The following SERTM1 variants were observed in gnomAD, a reference collection of about 807,000 sequenced individuals.
SERTM1 encodes the protein serine-rich and transmembrane domain-containing protein 1.
SERTM1 carries 1 observed loss-of-function variant against 5.5 expected under a neutral mutation model. The ratio of observed to expected loss-of-function variants is 0.18; its 90% CI spans 0.06 to 0.86. SERTM1 has a LOEUF of 0.86. Among genes scored for constraint, SERTM1 ranks in the 40% least tolerant of loss-of-function variants. The pLI is 0.69. For synonymous variants in SERTM1, 52 were observed against 55.1 expected, an observed-to-expected ratio of 0.94 and a Z score of 0.25; for missense variants, 91 against 122.4, an observed-to-expected ratio of 0.74 and a Z score of 1.21.
In SERTM1 at chr13:36,697,679, T is replaced by A. The variant is rs2056825454; in HGVS notation, c.*2277T>A. The A allele has an allele frequency of 6.0e-6, 1 of 166,986 alleles. No homozygotes were observed. Among genetic ancestry groups the A allele is most frequent in the Admixed American group, 6.6e-5 (1 of 15,266 alleles). The allele number at this position is 166,986 out of a possible 1,614,324, so 10.3% of individuals were successfully genotyped here. ...AATGGTTCTTGCTCTCAATGTTTAG[T>A]AGAGAAATTAAGAGCCACATTCAAA... On this transcript the variant is annotated 3_prime_UTR_variant, in exon 2 of 2. Coordinates refer to ENST00000315190, the MANE Select transcript of SERTM1 (RefSeq NM_203451.3).
intron 1 of SERTM1, among the ~76,000 whole-genome samples, chr13:36,677,016 T>G (rs2056673848): frequency 6.6e-6 from 1 of 152,116 alleles, no homozygotes; most frequent in Admixed American, 6.5e-5. Context: ...ATCTGTGCAT[T>G]CACGGGCCAT....
At chr13:36,678,700 A>G (rs2138084096) in intron 1 of SERTM1, among the ~76,000 whole-genome samples, 1 of 120,642 alleles carries the variant, frequency 8.3e-6, no homozygotes, top group East Asian at 2.1e-4. Context: ...TATATAAAAT[A>G]TAGTCCTTTT....
chr13:36,679,245 C>A (rs946787489), intron 1 of SERTM1, among the ~76,000 whole-genome samples: 1 of 152,184 alleles, frequency 6.6e-6, no homozygotes, highest in Non-Finnish European at 1.5e-5. Flanking sequence ...TGGCATGATG[C>A]CACAGTGCAC....
At chr13:36,694,850 A>C in intron 1 of SERTM1, 56 bp from the exon 2 acceptor site, 1 of 525,814 alleles carries the variant, frequency 1.9e-6, no homozygotes, top group Non-Finnish European at 3.3e-6. Flanking sequence ...AAACCTAAAA[A>C]TGGAATTTAA....
Position 36,695,177 on chromosome 13 carries a change from A to T in SERTM1, c.99A>T (p.Pro33=), listed in dbSNP as rs1276510951. 8.1e-6 allele frequency: 13 copies of T among 1,613,896 alleles called. No homozygotes were observed. Among genetic ancestry groups the T allele is most frequent in the Non-Finnish European group, 1.1e-5 (13 of 1,179,848 alleles). Residue 33 remains proline, a synonymous_variant, in exon 2 of 2, where the codon CCA becomes CCT. Coordinates refer to ENST00000315190, the MANE Select transcript of SERTM1 (RefSeq NM_203451.3). The stretch of plus-strand genomic sequence containing the variant: ...CATCCCTGTCCACGTCAGTGGACCC[A>T]TCCTCAGGCCACCTGTCAAACGTCT... ...FPTSLSTSVD[P]SSGHLSNVYI...
chr13:36,682,334 C>G (rs532899901), intron 1 of SERTM1, among the ~76,000 whole-genome samples: 1 of 152,128 alleles, frequency 6.6e-6, no homozygotes, highest in African/African-American at 2.4e-5. Context: ...TCTAGGACTT[C>G]CCAGTTTGTT....
intron 1 of SERTM1, among the ~76,000 whole-genome samples, chr13:36,693,426 A>C (rs2056792631): frequency 6.6e-6 from 1 of 150,794 alleles, no homozygotes; most frequent in South Asian, 2.1e-4. Flanking sequence ...GTTGGTTAGG[A>C]ACCTATAGCA....
At chr13:36,674,412 C>A (rs532901718) in intron 1 of SERTM1, among the ~76,000 whole-genome samples, 71 of 152,218 alleles carry the variant, frequency 4.7e-4, no homozygotes, top group African/African-American at 1.6e-3. Context: ...CGCAGCCCGG[C>A]TCTCCGAGTC....
At chr13:36,691,031 A>C (rs73173341) in intron 1 of SERTM1, among the ~76,000 whole-genome samples, 17,155 of 152,310 alleles carry the variant, frequency 0.11, 1,248 homozygotes, top group Non-Finnish European at 0.15. Context: ...AATGTATTTG[A>C]ATAAAGGTCA....
At chr13:36,677,598 AAGAATC>A (rs1288618416) in intron 1 of SERTM1, among the ~76,000 whole-genome samples, 5 of 152,210 alleles carry the variant, frequency 3.3e-5, no homozygotes, top group Admixed American at 6.5e-5. Flanking sequence ...AGGTGGCTAT[AAGAATC>A]AGTTTCAAAT....
At position 36,680,965 on chromosome 13, in the gene SERTM1, C is replaced by T. The variant is rs141360772; in HGVS notation, c.-174+6781C>T. 6.4e-3 allele frequency among the ~76,000 whole-genome samples: 976 copies of T among 152,202 alleles called. 11 individuals carry two copies. Among genetic ancestry groups the T allele is most frequent in the African/African-American group, 0.022 (932 of 41,536 alleles). ...TGCTATATATTTGCAGTTAGTTGTA[C>T]GATGAATGAAAAAAGAGAATATTTG... On this transcript the variant is annotated intron_variant, in intron 1 of 1. Coordinates refer to ENST00000315190, the MANE Select transcript of SERTM1 (RefSeq NM_203451.3).
chr13:36,695,771 T>A lies in SERTM1; in HGVS notation c.*369T>A, dbSNP rs184689642. The A allele has an allele frequency of 9.5e-6, 2 of 210,204 alleles. No homozygotes were observed. The highest frequency in any genetic ancestry group is 1.1e-4 in the Admixed American group (2 of 17,838). The allele number at this position is 210,204 out of a possible 1,614,324, so 13.0% of individuals were successfully genotyped here. A position where few individuals can be genotyped will look rare whatever the true frequency, so the allele number is the denominator to read the frequency against. ...TCATTTCTTTTACAAAGCCGTGAAA[T>A]CAACTGAGCCTGCAGAAACTGGCAA... On this transcript the variant is annotated 3_prime_UTR_variant, in exon 2 of 2. Transcript: ENST00000315190.
chr13:36,684,224 G>T (rs2056725537), intron 1 of SERTM1, among the ~76,000 whole-genome samples: 1 of 152,102 alleles, frequency 6.6e-6, no homozygotes, highest in Non-Finnish European at 1.5e-5. Context: ...TTGAACCCAG[G>T]AGGCAGATGT....
At chr13:36,681,504 G>A (rs1186007095) in intron 1 of SERTM1, among the ~76,000 whole-genome samples, 4 of 152,148 alleles carry the variant, frequency 2.6e-5, no homozygotes, top group African/African-American at 9.7e-5. Context: ...TTTCATTTTG[G>A]TTTGGTTTGG....
intron 1 of SERTM1, among the ~76,000 whole-genome samples, chr13:36,692,660 CCTT>C (rs1460933704): frequency 1.3e-5 from 2 of 152,258 alleles, no homozygotes; most frequent in African/African-American, 4.8e-5. Flanking sequence ...TAACTCAAGA[CCTT>C]CTGGAGAAGT....
chr13:36,674,026 G>T lies in SERTM1; in HGVS notation c.-332G>T, dbSNP rs1182853690. On this transcript the variant is annotated 5_prime_UTR_variant, in exon 1 of 2. Coordinates refer to ENST00000315190, the MANE Select transcript of SERTM1 (RefSeq NM_203451.3). Reference sequence around the variant, plus strand: ...GGGCCGGCAGCCCGGATCCACTCCCGCTGCGCCTGCTGTCCGCCGTGCGCC... The same window carrying T: ...GGGCCGGCAGCCCGGATCCACTCCCTCTGCGCCTGCTGTCCGCCGTGCGCC... 1 of 152,252 alleles carries T rather than the reference G, an allele frequency of 6.6e-6. No homozygotes were observed. The highest frequency in any genetic ancestry group is 2.4e-5 in the African/African-American group (1 of 41,442). The allele number at this position is 152,252 out of a possible 1,614,324, so 9.4% of individuals were successfully genotyped here. A position where few individuals can be genotyped will look rare whatever the true frequency, so the allele number is the denominator to read the frequency against.
At chr13:36,691,368 G>A (rs1324027957) in intron 1 of SERTM1, among the ~76,000 whole-genome samples, 9 of 152,150 alleles carry the variant, frequency 5.9e-5, no homozygotes, top group African/African-American at 2.2e-4. Context: ...CCCCAGGTGT[G>A]CGCTGTCTTA....
At position 36,695,638 on chromosome 13, in the gene SERTM1, T is replaced by G. The variant is rs774874155; in HGVS notation, c.*236T>G. ...GCAGAATTTCACACAAATGGCTTGA[T>G]GAATCTAGACTGGGCTTCTTCAGGT... On this transcript the variant is annotated 3_prime_UTR_variant, in exon 2 of 2. Coordinates refer to ENST00000315190, the MANE Select transcript of SERTM1 (RefSeq NM_203451.3). 8.9e-5 allele frequency: 51 copies of G among 574,200 alleles called. No homozygotes were observed. The highest frequency in any genetic ancestry group is 1.4e-4 in the Non-Finnish European group (45 of 316,972). The allele number at this position is 574,200 out of a possible 1,614,324, so 35.6% of individuals were successfully genotyped here.
intron 1 of SERTM1, among the ~76,000 whole-genome samples, chr13:36,682,314 A>G (rs1196118161): frequency 6.6e-6 from 1 of 152,182 alleles, no homozygotes; most frequent in East Asian, 1.9e-4. Context: ...GTGAATTGTT[A>G]TTTCTTTATT....
Sources: allele counts gnomAD v4.1 joint callset (sites outside exome capture counted in the v4.1 genomes callset), GRCh38; gene constraint gnomAD v4.1.1; transcripts MANE v1.5; gene names NCBI Gene and HGNC (gene_info 2026-07-23, HGNC 2026-07-21).